SPTAN1: variants seen among roughly 807,000 people sequenced by gnomAD.
SPTAN1 encodes spectrin alpha, non-erythrocytic 1.
A neutral mutation model predicts 331.3 loss-of-function variants in SPTAN1; 61 were observed. The observed-to-expected ratio is 0.18, with a 90% confidence interval of 0.15 to 0.23. SPTAN1 has a LOEUF of 0.23. Among genes scored for constraint, SPTAN1 ranks in the 10% least tolerant of loss-of-function variants. The pLI is 1.00. For missense variants in SPTAN1, 2,043 were observed against 3,147.9 expected (o/e 0.65, Z 8.40); for synonymous variants, 1,153 against 1,173.9 (o/e 0.98, Z 0.36).
intron 19 of SPTAN1, among the ~76,000 whole-genome samples, chr9:128,586,247 T>C (rs1852621856): frequency 6.7e-6 from 1 of 149,520 alleles, no homozygotes; most frequent in South Asian, 2.2e-4. Context: ...GCCTCCCAAG[T>C]AGTTGGAACT....
chr9:128,562,078 G>A (rs1849439553), intron 1 of SPTAN1, among the ~76,000 whole-genome samples: 1 of 152,120 alleles, frequency 6.6e-6, no homozygotes, highest in Non-Finnish European at 1.5e-5. Flanking sequence ...ACTTCATAGA[G>A]GACGAGGCAT....
At chr9:128,617,807 G>GC (rs1857359644) in intron 42 of SPTAN1, 47 bp downstream of exon 42, 3 of 1,612,440 alleles carry the variant, frequency 1.9e-6, no homozygotes, top group East Asian at 2.2e-5. Flanking sequence ...GTTTGAGTGG[G>GC]CCCCAGGGGA....
chr9:128,598,650 C>T, intron 25 of SPTAN1, 146 bp downstream of exon 25: 1 of 764,240 alleles, frequency 1.3e-6, no homozygotes, highest in East Asian at 2.7e-5. Context: ...TGACCAAAAC[C>T]ATTTTGATTA....
intron 56 of SPTAN1, 31 bp downstream of exon 56, chr9:128,632,986 G>T (rs776512074): frequency 1.9e-6 from 3 of 1,607,792 alleles, no homozygotes; most frequent in Non-Finnish European, 2.5e-6. Flanking sequence ...GTGAAGAGGT[G>T]TCCTTTGGAA....
chr9:128,562,800 TA>T (rs1244358702), intron 1 of SPTAN1, among the ~76,000 whole-genome samples: 2 of 151,404 alleles, frequency 1.3e-5, no homozygotes. Context: ...CCATCTCTAC[TA>T]AAAAATAGAA....
intron 10 of SPTAN1, 23 bp from the exon 11 acceptor site, chr9:128,580,899 A>G: frequency 1.2e-6 from 2 of 1,612,174 alleles, no homozygotes; most frequent in Non-Finnish European, 1.7e-6. Context: ...CATCTCCCTG[A>G]CCATGTCTCC....
chr9:128,577,998 T>G lies in SPTAN1; in HGVS notation c.1086-112T>G. ...ATTTTCATATTTCCCAGAATTAGAA[T>G]TTATATAGTTTGTTAGACATTTGAG... is the stretch of plus-strand genomic sequence containing the variant. On this transcript the variant is annotated intron_variant, in intron 8 of 56. Coordinates refer to ENST00000372739, the MANE Select transcript of SPTAN1 (RefSeq NM_001130438.3). This position sits in a 1 kb window ranked among gnomAD's most constrained non-coding sequence, Gnocchi z 4.2. 1.6e-6 allele frequency: 2 copies of G among 1,266,338 alleles called. No homozygotes were observed. The highest frequency in any genetic ancestry group is 2.3e-6 in the Non-Finnish European group (2 of 871,156). 78.4% of individuals were successfully genotyped at this position (1,266,338 alleles called of 1,614,324 possible).
chr9:128,625,315 C>A lies in SPTAN1; in HGVS notation c.6069+136C>A. The A allele has an allele frequency of 1.1e-6, 1 of 904,826 alleles. No homozygotes were observed. Among genetic ancestry groups the A allele is most frequent in the Non-Finnish European group, 1.8e-6 (1 of 566,352 alleles). 56.0% of individuals were successfully genotyped at this position (904,826 alleles called of 1,614,324 possible). ...AGGAAAAAGATCCTGTCCTGGTCCT[C>A]AGGGAGCTTCCAGACTAACTGGGGA... On this transcript the variant is annotated intron_variant, in intron 47 of 56. Coordinates refer to ENST00000372739, the MANE Select transcript of SPTAN1 (RefSeq NM_001130438.3). This position sits in a 1 kb window ranked among gnomAD's most constrained non-coding sequence, Gnocchi z 4.1.
At chr9:128,592,875 C>T (rs1182856535) in intron 22 of SPTAN1, 108 bp from the exon 23 acceptor site, 2 of 1,044,286 alleles carry the variant, frequency 1.9e-6, no homozygotes, top group Non-Finnish European at 2.9e-6. Flanking sequence ...CATAGTTTCC[C>T]AACATTAAGC....
chr9:128,632,586 A>T lies in SPTAN1; in HGVS notation c.7028A>T (p.Asp2343Val). The change falls in exon 55 of 57, where the codon GAC becomes GTC. Residue 2343 changes from aspartate (D) to valine (V), a missense_variant. By Grantham distance (152) the Asp-to-Val change is radical. Transcript: ENST00000372739. ...FSMMFKHFDK[D>V]KSGRLNHQEF... The stretch of plus-strand genomic sequence containing the variant: ...TTGTGCTGCAGACACTTTGACAAGG[A>T]CAAGTCTGGCAGGCTGAACCATCAG... The T allele has an allele frequency of 6.2e-7, 1 of 1,614,070 alleles. No homozygotes were observed. The highest frequency in any genetic ancestry group is 8.5e-7 in the Non-Finnish European group (1 of 1,180,028).
rs1428549846 is a variant in SPTAN1 at position 128,587,611 on chromosome 9, A to G, written c.2784A>G (p.Leu928=). 3.7e-6 allele frequency: 6 copies of G among 1,613,690 alleles called. No individual in the cohort carries two copies. Among genetic ancestry groups the G allele is most frequent in the Non-Finnish European group, 2.5e-6 (3 of 1,179,948 alleles). ...YGKDEDSAEA[L]LKKHEALMSD... ...ATGTGTGGTTTTGGTTTCAGGCTCTACTGAAGAAACACGAAGCTTTGATGT... is the reference window on the plus strand; with the variant it reads ...ATGTGTGGTTTTGGTTTCAGGCTCTGCTGAAGAAACACGAAGCTTTGATGT... The change falls in exon 20 of 57, where the codon CTA becomes CTG. Residue 928 remains leucine, a synonymous_variant. Transcript: ENST00000372739.
At position 128,627,940 on chromosome 9, in the gene SPTAN1, T is replaced by C; in HGVS notation, c.6705T>C (p.Asp2235=). The C allele has an allele frequency of 6.2e-7, 1 of 1,614,132 alleles. No individual in the cohort carries two copies. Among genetic ancestry groups the C allele is most frequent in the African/African-American group, 1.3e-5 (1 of 75,032 alleles). ...CTCTCCACAGGACATACCTCCTCGA[T>C]GGGTTAATATTGTTTTCTTCCTTCT... ...WIQETRTYLL[D]GSCMVEESGT... The change falls in exon 51 of 57, where the codon GAT becomes GAC. Residue 2235 remains aspartate (D), a splice_region_variant and synonymous_variant. Coordinates refer to ENST00000372739, the MANE Select transcript of SPTAN1 (RefSeq NM_001130438.3). This position sits in a 1 kb window ranked among gnomAD's most constrained non-coding sequence, Gnocchi z 4.9.
At chr9:128,608,597 T>C (rs1001316454) in intron 34 of SPTAN1, among the ~76,000 whole-genome samples, 5 of 152,238 alleles carry the variant, frequency 3.3e-5, no homozygotes, top group Non-Finnish European at 5.9e-5. Flanking sequence ...AGCATTTTCC[T>C]ATTATCAGGC....
chr9:128,589,268 T>C (rs1853105803), intron 21 of SPTAN1, among the ~76,000 whole-genome samples: 1 of 150,570 alleles, frequency 6.6e-6, no homozygotes, highest in African/African-American at 2.4e-5. Flanking sequence ...ACCTGTTGGT[T>C]CTTTTTTTTT....
At chr9:128,555,438 G>A (rs1436860333) in intron 1 of SPTAN1, 1 of 1,287,126 alleles carries the variant, frequency 7.8e-7, no homozygotes. Context: ...TGCCTTTTTG[G>A]TTTTGCCTGG....
In SPTAN1 at chr9:128,608,759, C is replaced by T. The variant is rs967234615; in HGVS notation, c.4492-115C>T. 56 of 992,192 alleles carry T rather than the reference C, an allele frequency of 5.6e-5. No individual in the cohort carries two copies. The African/African-American group carries it at 6.8e-4, about 12-fold the overall frequency. 61.5% of individuals were successfully genotyped at this position (992,192 alleles called of 1,614,324 possible). A position where few individuals can be genotyped will look rare whatever the true frequency, so the allele number is the denominator to read the frequency against. ...TCTAAAGTGTCAGTGTATTCTGATCCTGCCACCAGCTAGTTCTCAGTCACC... is the reference window on the plus strand; with the variant it reads ...TCTAAAGTGTCAGTGTATTCTGATCTTGCCACCAGCTAGTTCTCAGTCACC... On this transcript the variant is annotated intron_variant, in intron 34 of 56. Coordinates refer to ENST00000372739, the MANE Select transcript of SPTAN1 (RefSeq NM_001130438.3).
chr9:128,559,369 TATG>T (rs1472776028), intron 1 of SPTAN1, among the ~76,000 whole-genome samples: 1 of 152,154 alleles, frequency 6.6e-6, no homozygotes, highest in African/African-American at 2.4e-5. Context: ...TTTGCGATAT[TATG>T]ATGGAGATTT....
chr9:128,584,042 T>C (rs1220769789), intron 16 of SPTAN1, 73 bp downstream of exon 16: 2 of 1,583,054 alleles, frequency 1.3e-6, no homozygotes, highest in African/African-American at 2.7e-5. Context: ...GCCAGTAATT[T>C]GAGACTAAAT....
intron 1 of SPTAN1, among the ~76,000 whole-genome samples, chr9:128,557,929 G>A (rs377172374): frequency 6.8e-6 from 1 of 147,392 alleles, no homozygotes. Context: ...TCAGCCTCCC[G>A]AATAGCTGGG....
Sources: gnomAD v4.1 joint callset for allele counts (sites outside exome capture counted in the v4.1 genomes callset) on GRCh38, gnomAD v4.1.1 for gene constraint, Gnocchi (gnomAD v3.1) non-coding constraint, MANE v1.5 for transcripts, NCBI Gene and HGNC (gene_info 2026-07-23, HGNC 2026-07-21) for gene names.